L3MBTL4: variants seen among roughly 807,000 people sequenced by gnomAD.
L3MBTL4 encodes the protein L3MBTL histone methyl-lysine binding protein 4.
Under a neutral mutation model 84.5 loss-of-function variants are expected in L3MBTL4, and 70 were observed. That is an observed-to-expected ratio of 0.83 (90% CI 0.68 to 1.01). The LOEUF (loss-of-function observed/expected upper bound fraction) is 1.01. L3MBTL4 is among the 50% of genes least tolerant of loss of function. The pLI is 0.00. For missense variants in L3MBTL4, 715 were observed against 754.8 expected, an observed-to-expected ratio of 0.95 and a Z score of 0.62; for synonymous variants, 274 against 259.8, an observed-to-expected ratio of 1.05 and a Z score of -0.52.
intron 16 of L3MBTL4, among the ~76,000 whole-genome samples, chr18:6,046,546 T>C (rs1366750664): frequency 1.3e-5 from 2 of 152,102 alleles, no homozygotes; most frequent in African/African-American, 4.8e-5. Context: ...TTAGTAATCA[T>C]ACCAACAGTA....
At chr18:6,177,024 A>G (rs545281133) in intron 12 of L3MBTL4, among the ~76,000 whole-genome samples, 1 of 152,362 alleles carries the variant, frequency 6.6e-6, no homozygotes, top group South Asian at 2.1e-4. Flanking sequence ...TGAAGCATTC[A>G]TACCAATGTC....
chr18:6,314,901 G>A (rs1340116232), intron 1 of L3MBTL4, among the ~76,000 whole-genome samples: 1 of 152,208 alleles, frequency 6.6e-6, no homozygotes, highest in Non-Finnish European at 1.5e-5. Flanking sequence ...GCTAAAGGGA[G>A]ATAAGTATAG....
intron 12 of L3MBTL4, among the ~76,000 whole-genome samples, chr18:6,199,627 G>A (rs974391992): frequency 4.6e-5 from 7 of 152,202 alleles, no homozygotes; most frequent in Non-Finnish European, 8.8e-5. Flanking sequence ...AGAAAGGCAG[G>A]ATCCAGGGCA....
intron 16 of L3MBTL4, among the ~76,000 whole-genome samples, chr18:5,977,073 C>T (rs1398573440): frequency 2.0e-5 from 3 of 152,132 alleles, no homozygotes; most frequent in African/African-American, 7.2e-5. Flanking sequence ...TTTACAACAG[C>T]TCTCAATGGG....
chr18:6,274,079 C>A (rs868105088), intron 4 of L3MBTL4, among the ~76,000 whole-genome samples: 1 of 152,112 alleles, frequency 6.6e-6, no homozygotes, highest in Non-Finnish European at 1.5e-5. Context: ...GTGAAGAAAC[C>A]TGAAAAGGAA....
intron 15 of L3MBTL4, among the ~76,000 whole-genome samples, chr18:6,091,843 T>C (rs1435032765): frequency 1.3e-5 from 2 of 152,140 alleles, no homozygotes; most frequent in Non-Finnish European, 2.9e-5. Context: ...ATACAACAGA[T>C]TATAGCAAAA....
Position 6,245,029 on chromosome 18 carries a change from C to G in L3MBTL4, c.220-441G>C, listed in dbSNP as rs541671222. On this transcript the variant is annotated intron_variant, in intron 5 of 18. Transcript: ENST00000317931. ...GGTTCAAGTGATTCTCCTGTCTCAG[C>G]CTCCCGAATAGCTAGGATTACATAC... 7.2e-5 allele frequency among the ~76,000 whole-genome samples: 11 copies of G among 152,222 alleles called. No individual in the cohort carries two copies. The South Asian group carries it at 8.3e-4, about 11-fold the overall frequency.
intron 4 of L3MBTL4, among the ~76,000 whole-genome samples, chr18:6,284,688 A>C (rs1599479498): frequency 6.6e-6 from 1 of 152,058 alleles, no homozygotes; most frequent in Non-Finnish European, 1.5e-5. Flanking sequence ...ATTCTGCCTC[A>C]TCCTCTCGGC....
At chr18:6,302,949 C>A (rs1340082112) in intron 3 of L3MBTL4, among the ~76,000 whole-genome samples, 1 of 151,816 alleles carries the variant, frequency 6.6e-6, no homozygotes, top group Non-Finnish European at 1.5e-5. Context: ...CAAGATTGTG[C>A]CTCTGCACTC....
intron 17 of L3MBTL4, chr18:5,960,753 T>C (rs2095259420): frequency 6.6e-6 from 1 of 152,170 alleles, no homozygotes. Context: ...GGAATTCGGG[T>C]TTGCTATCTC....
intron 12 of L3MBTL4, among the ~76,000 whole-genome samples, chr18:6,212,376 G>C (rs941398700): frequency 2.0e-5 from 3 of 152,120 alleles, no homozygotes; most frequent in Non-Finnish European, 4.4e-5. Context: ...TATCTTTTAA[G>C]TTAGTGCCTA....
At chr18:5,967,897 C>A (rs667678) in intron 17 of L3MBTL4, among the ~76,000 whole-genome samples, 69,382 of 152,124 alleles carry the variant, frequency 0.46, 15,966 homozygotes, top group East Asian at 0.56. Context: ...CCAGGGGGAG[C>A]CAGGGATTGT....
chr18:6,146,522 G>A (rs933487327), intron 13 of L3MBTL4, among the ~76,000 whole-genome samples: 13 of 152,226 alleles, frequency 8.5e-5, no homozygotes, highest in Non-Finnish European at 8.8e-5. Flanking sequence ...GCTGGGTTTC[G>A]CAAAGTGCCA....
At chr18:6,065,234 T>A (rs955062476) in intron 16 of L3MBTL4, among the ~76,000 whole-genome samples, 3 of 152,086 alleles carry the variant, frequency 2.0e-5, no homozygotes, top group Non-Finnish European at 4.4e-5. Flanking sequence ...TATTTTTTGA[T>A]GTGCTGTTGG....
chr18:5,991,746 A>G (rs982159190), intron 16 of L3MBTL4, among the ~76,000 whole-genome samples: 2 of 152,132 alleles, frequency 1.3e-5, no homozygotes, highest in Non-Finnish European at 2.9e-5. Flanking sequence ...CCACATTAGA[A>G]TGTTTGGGAG....
At chr18:6,406,677 C>T (rs2055749543) in intron 1 of L3MBTL4, among the ~76,000 whole-genome samples, 1 of 152,180 alleles carries the variant, frequency 6.6e-6, no homozygotes, top group Non-Finnish European at 1.5e-5. Flanking sequence ...GGAACACTGA[C>T]TGCTGCTTAC....
At chr18:6,310,508 T>A (rs1488188434) in intron 3 of L3MBTL4, among the ~76,000 whole-genome samples, 1 of 152,138 alleles carries the variant, frequency 6.6e-6, no homozygotes, top group Non-Finnish European at 1.5e-5. Context: ...ATGTCTGGAG[T>A]TCATCAAACC....
At chr18:6,279,314 T>G (rs2049224846) in intron 4 of L3MBTL4, among the ~76,000 whole-genome samples, 1 of 146,062 alleles carries the variant, frequency 6.8e-6, no homozygotes, top group Non-Finnish European at 1.5e-5. Context: ...AAGAGAAGAG[T>G]GAGGAGAAGA....
intron 4 of L3MBTL4, among the ~76,000 whole-genome samples, chr18:6,265,675 G>C (rs1398267879): frequency 6.6e-6 from 1 of 152,166 alleles, no homozygotes; most frequent in Non-Finnish European, 1.5e-5. Context: ...CCTTACTTAT[G>C]CTAAGTGAAA....
Sources: allele counts gnomAD v4.1 joint callset (sites outside exome capture counted in the v4.1 genomes callset), GRCh38; gene constraint gnomAD v4.1.1; transcripts MANE v1.5; gene names NCBI Gene and HGNC (gene_info 2026-07-23, HGNC 2026-07-21).